COL21A1: variants seen among roughly 807,000 people sequenced by gnomAD.
The protein encoded by COL21A1 is collagen alpha-1(XXI) chain.
Under a neutral mutation model 137.9 loss-of-function variants are expected in COL21A1, and 149 were observed. The ratio of observed to expected loss-of-function variants is 1.08; its 90% CI spans 0.95 to 1.24. COL21A1 has a LOEUF of 1.24. COL21A1 is among the 50% of genes most tolerant of loss of function. The probability of loss-of-function intolerance (pLI) is 0.00; values close to 1 mark genes in which losing one functional copy is unlikely to be tolerated. For missense variants in COL21A1, 1,167 were observed against 1,158.4 expected, an observed-to-expected ratio of 1.01 and a Z score of -0.11; for synonymous variants, 456 against 391.5, an observed-to-expected ratio of 1.16 and a Z score of -1.95.
intron 20 of COL21A1, among the ~76,000 whole-genome samples, chr6:56,072,952 G>A (rs1046943952): frequency 6.6e-6 from 1 of 151,482 alleles, no homozygotes; most frequent in Non-Finnish European, 1.5e-5. Context: ...AACAAACTGT[G>A]ATACTGGAAA....
At chr6:56,167,314 T>C (rs1776664230) in intron 6 of COL21A1, among the ~76,000 whole-genome samples, 1 of 152,158 alleles carries the variant, frequency 6.6e-6, no homozygotes, top group Non-Finnish European at 1.5e-5. Flanking sequence ...TTTTCTGTGT[T>C]TATCTTAAAT....
At chr6:56,147,685 T>C (rs1774942476) in intron 10 of COL21A1, among the ~76,000 whole-genome samples, 3 of 152,160 alleles carry the variant, frequency 2.0e-5, no homozygotes, top group Admixed American at 1.3e-4. Flanking sequence ...CACATTATTA[T>C]ATATACTACC....
chr6:56,266,749 T>C (rs892197469), intron 1 of COL21A1, among the ~76,000 whole-genome samples: 4 of 152,246 alleles, frequency 2.6e-5, no homozygotes, highest in Non-Finnish European at 5.9e-5. Context: ...AGGAGATGAA[T>C]AAAGGATATT....
chr6:56,311,172 T>C (rs919114734), intron 1 of COL21A1, among the ~76,000 whole-genome samples: 1 of 152,220 alleles, frequency 6.6e-6, no homozygotes, highest in African/African-American at 2.4e-5. Context: ...ACCCTTTTCC[T>C]GGCCAAAATG....
chr6:56,179,660 A>C lies in COL21A1; in HGVS notation c.558T>G (p.Pro186=), dbSNP rs369994386. ...CCACATAAAACACATAAGTAGACGA[A>C]GGCTTGTTGGCAATAGCTCTAAGTT... ...DAELRAIANK[P]SSTYVFYVED... The change falls in exon 3 of 30, where the codon CCT becomes CCG. Residue 186 remains proline, a synonymous_variant. Coordinates refer to ENST00000244728, the MANE Select transcript of COL21A1 (RefSeq NM_030820.4). 6.2e-7 allele frequency: 1 copy of C among 1,613,948 alleles called. No homozygotes were observed. Among genetic ancestry groups the C allele is most frequent in the Non-Finnish European group, 8.5e-7 (1 of 1,179,872 alleles).
chr6:56,119,070 T>C (rs1018663843), intron 16 of COL21A1, among the ~76,000 whole-genome samples: 3 of 152,010 alleles, frequency 2.0e-5, no homozygotes, highest in African/African-American at 7.2e-5. Flanking sequence ...GTACTGGAAG[T>C]CCTAGCTAGA....
intron 1 of COL21A1, among the ~76,000 whole-genome samples, chr6:56,390,495 GACACACAC>G (rs35424168): frequency 0.063 from 8,765 of 139,866 alleles, 345 homozygotes; most frequent in Non-Finnish European, 0.099. Flanking sequence ...TGGCTGAATG[GACACACAC>G]ACACACACAC....
intron 17 of COL21A1, among the ~76,000 whole-genome samples, chr6:56,097,377 A>T (rs895048815): frequency 2.0e-5 from 3 of 152,030 alleles, no homozygotes; most frequent in African/African-American, 7.2e-5. Flanking sequence ...TTGTTTGTCT[A>T]TCTTTTTGAA....
In COL21A1 at chr6:56,059,189, C is replaced by T; in HGVS notation, c.2662G>A (p.Glu888Lys). 6.2e-7 allele frequency: 1 copy of T among 1,611,920 alleles called. No homozygotes were observed. Among genetic ancestry groups the T allele is most frequent in the Non-Finnish European group, 8.5e-7 (1 of 1,179,196 alleles). Reference protein sequence around the residue: ...KGSQGFGYPGEQGPPGPPGPE... With the variant: ...KGSQGFGYPGKQGPPGPPGPE... The stretch of plus-strand genomic sequence containing the variant: ...CCTGGGGGACCAGGAGGACCTTGTT[C>T]TCCAGGATACCCAAACCCTTGGCTC... The change falls in exon 29 of 30, where the codon GAA (glutamate) becomes AAA (lysine). Residue 888 changes from glutamate (E) to lysine (K), a missense_variant. By Grantham distance (56) the Glu-to-Lys change is moderately conservative. Transcript: ENST00000244728.
At chr6:56,087,777 C>T (rs996554655) in intron 17 of COL21A1, among the ~76,000 whole-genome samples, 14 of 152,076 alleles carry the variant, frequency 9.2e-5, no homozygotes, top group African/African-American at 2.7e-4. Flanking sequence ...AATAAATGTC[C>T]TTTGTGGCAT....
At chr6:56,240,926 T>C (rs1322965673) in intron 1 of COL21A1, among the ~76,000 whole-genome samples, 1 of 152,188 alleles carries the variant, frequency 6.6e-6, no homozygotes, top group Non-Finnish European at 1.5e-5. Context: ...ATGTTTGCTG[T>C]CGTTACAAAA....
chr6:56,079,587 G>C (rs192373244), intron 17 of COL21A1, among the ~76,000 whole-genome samples: 66 of 151,650 alleles, frequency 4.4e-4, no homozygotes, highest in Admixed American at 9.9e-4. Flanking sequence ...CCTTGGATTT[G>C]ATCTGACACT....
intron 1 of COL21A1, among the ~76,000 whole-genome samples, chr6:56,351,097 G>A (rs1487566827): frequency 6.6e-6 from 1 of 152,224 alleles, no homozygotes; most frequent in Non-Finnish European, 1.5e-5. Flanking sequence ...ACTCAGGCAT[G>A]AAGCTAACAA....
chr6:56,069,064 G>T lies in COL21A1; in HGVS notation c.2073C>A (p.Pro691=). The T allele has an allele frequency of 6.2e-7, 1 of 1,600,364 alleles. No homozygotes were observed. The highest frequency in any genetic ancestry group is 8.5e-7 in the Non-Finnish European group (1 of 1,173,256). The change falls in exon 22 of 30, where the codon CCC becomes CCA. Residue 691 remains proline (P), a synonymous_variant. Coordinates refer to ENST00000244728, the MANE Select transcript of COL21A1 (RefSeq NM_030820.4). ...TGCATACCTTTTTTCCTTGAATCCC[G>T]GGTAAACCCATGTATCCTGGTTCTC... ...SPGEPGYMGL[P]GIQGKKGDKG... is the part of the protein sequence containing the mutation.
chr6:56,339,025 C>T (rs536549469), intron 1 of COL21A1, among the ~76,000 whole-genome samples: 1 of 152,288 alleles, frequency 6.6e-6, no homozygotes, highest in Non-Finnish European at 1.5e-5. Context: ...CCAATAGGAA[C>T]TACTCTGTAG....
At chr6:56,205,123 A>G (rs1200671906) in intron 1 of COL21A1, among the ~76,000 whole-genome samples, 1 of 152,196 alleles carries the variant, frequency 6.6e-6, no homozygotes, top group East Asian at 1.9e-4. Flanking sequence ...AAAACAGTAC[A>G]GAGAATGAGT....
intron 1 of COL21A1, among the ~76,000 whole-genome samples, chr6:56,277,530 C>T (rs1222991842): frequency 1.3e-5 from 2 of 152,182 alleles, no homozygotes; most frequent in Non-Finnish European, 2.9e-5. Context: ...TTCATTAGCA[C>T]TACTATGTAT....
intron 16 of COL21A1, among the ~76,000 whole-genome samples, chr6:56,106,342 C>A (rs749314264): frequency 1.3e-4 from 20 of 152,300 alleles, no homozygotes; most frequent in African/African-American, 4.8e-4. Context: ...CAACTCTGTT[C>A]TATATCCCAT....
At chr6:56,306,549 G>T (rs916986884) in intron 1 of COL21A1, among the ~76,000 whole-genome samples, 1 of 152,102 alleles carries the variant, frequency 6.6e-6, no homozygotes, top group African/African-American at 2.4e-5. Context: ...TGCATTCATC[G>T]TGTAGTTCTC....
Sources: allele counts gnomAD v4.1 joint callset (sites outside exome capture counted in the v4.1 genomes callset), GRCh38; gene constraint gnomAD v4.1.1; transcripts MANE v1.5; gene names NCBI Gene and HGNC (gene_info 2026-07-23, HGNC 2026-07-21).